The following B4GALT6 variants were observed in gnomAD, a reference collection of about 807,000 sequenced individuals.
B4GALT6 encodes UDP-Gal:beta-GlcNAc beta-1,4-galactosyltransferase 6.
In B4GALT6, 14 loss-of-function variants were observed where a neutral mutation model predicts 46.3. That is an observed-to-expected ratio of 0.30 (90% CI 0.20 to 0.47). The LOEUF is 0.47. B4GALT6 is among the 20% of genes least tolerant of loss of function. The pLI, the probability that B4GALT6 is intolerant of heterozygous loss-of-function variation, is 0.99. For synonymous variants in B4GALT6, 168 were observed against 162.0 expected, an observed-to-expected ratio of 1.04 and a Z score of -0.28; for missense variants, 386 against 480.1, an observed-to-expected ratio of 0.80 and a Z score of 1.83.
At chr18:31,634,185 AT>A (rs1406196761) in intron 5 of B4GALT6, among the ~76,000 whole-genome samples, 2 of 152,074 alleles carry the variant, frequency 1.3e-5, no homozygotes, top group Non-Finnish European at 2.9e-5. Context: ...CAGCATGCAG[AT>A]TTACTCAACC....
intron 5 of B4GALT6, among the ~76,000 whole-genome samples, chr18:31,637,140 T>C (rs2073869199): frequency 1.3e-5 from 2 of 152,222 alleles, no homozygotes; most frequent in South Asian, 4.1e-4. Context: ...ATTTACACTT[T>C]ATAGCCTTTA....
chr18:31,677,128 A>C (rs1598930875), intron 1 of B4GALT6, among the ~76,000 whole-genome samples: 1 of 152,364 alleles, frequency 6.6e-6, no homozygotes, highest in East Asian at 1.9e-4. Context: ...TCAAGTAATT[A>C]AACATAAAAA....
At chr18:31,646,176 T>C (rs2073988648) in intron 3 of B4GALT6, among the ~76,000 whole-genome samples, 1 of 152,262 alleles carries the variant, frequency 6.6e-6, no homozygotes, top group Non-Finnish European at 1.5e-5. Flanking sequence ...GCACTTACCA[T>C]ATATCAGGCC....
intron 1 of B4GALT6, among the ~76,000 whole-genome samples, chr18:31,679,656 T>C (rs927261788): frequency 3.3e-5 from 5 of 152,184 alleles, no homozygotes; most frequent in Admixed American, 2.6e-4. Flanking sequence ...ACCTACATGA[T>C]GAAGACAATC....
chr18:31,652,462 T>C (rs948932443), intron 3 of B4GALT6, among the ~76,000 whole-genome samples: 1 of 151,930 alleles, frequency 6.6e-6, no homozygotes, highest in African/African-American at 2.4e-5. Flanking sequence ...GGTTCCTGTC[T>C]CCCCTTCTTC....
chr18:31,648,289 T>C (rs1418786253), intron 3 of B4GALT6, among the ~76,000 whole-genome samples: 3 of 152,226 alleles, frequency 2.0e-5, no homozygotes, highest in South Asian at 4.1e-4. Context: ...AAAATAAATA[T>C]GTTGACTGAA....
Position 31,637,825 on chromosome 18 carries a change from C to G in B4GALT6, c.588+819G>C, listed in dbSNP as rs571321859. Among the ~76,000 whole-genome samples the G allele has an allele frequency of 3.3e-5, 5 of 152,244 alleles. No individual in the cohort carries two copies. In the East Asian group the frequency reaches 9.6e-4, roughly 29 times the overall value. ...ATATAACCAAGGTAACTGTACGGTGCTTTGGTATAATTTAGAAAAGAACTT... is the reference window on the plus strand; with the variant it reads ...ATATAACCAAGGTAACTGTACGGTGGTTTGGTATAATTTAGAAAAGAACTT... On this transcript the variant is annotated intron_variant, in intron 5 of 8. Transcript: ENST00000306851.
At position 31,624,149 on chromosome 18, in the gene B4GALT6, A is replaced by AG. The variant is rs2073655270; in HGVS notation, c.*1464_*1465insC. The AG allele has an allele frequency of 6.6e-6, 1 of 152,066 alleles. No individual in the cohort carries two copies. The highest frequency in any genetic ancestry group is 1.5e-5 in the Non-Finnish European group (1 of 67,888). The allele number at this position is 152,066 out of a possible 1,614,324, so 9.4% of individuals were successfully genotyped here. A position where few individuals can be genotyped will look rare whatever the true frequency, so the allele number is the denominator to read the frequency against. ...TAAGACCTTTTTTCAGAGAACAGTCATATGAAGATAACTGGACAAAGCCCT... is the reference window on the plus strand; with the variant it reads ...TAAGACCTTTTTTCAGAGAACAGTCAGTATGAAGATAACTGGACAAAGCCCT... On this transcript the variant is annotated 3_prime_UTR_variant, in exon 9 of 9. Coordinates refer to ENST00000306851, the MANE Select transcript of B4GALT6 (RefSeq NM_004775.5).
the B4GALT6 span, among the ~76,000 whole-genome samples, chr18:31,713,847 C>G: frequency 6.6e-6 from 1 of 152,054 alleles, no homozygotes; most frequent in Non-Finnish European, 1.5e-5. Flanking sequence ...CTGACAAGCT[C>G]GAGTTAATTG....
At chr18:31,633,881 AC>A (rs528328732) in intron 5 of B4GALT6, among the ~76,000 whole-genome samples, 54 of 152,284 alleles carry the variant, frequency 3.5e-4, no homozygotes, top group Non-Finnish European at 6.2e-4. Flanking sequence ...AGAATGATTT[AC>A]TACTGCCGGT....
At chr18:31,663,869 T>A (rs1232190719) in intron 2 of B4GALT6, among the ~76,000 whole-genome samples, 1 of 152,228 alleles carries the variant, frequency 6.6e-6, no homozygotes, top group East Asian at 1.9e-4. Flanking sequence ...CTAACTATAA[T>A]AATTATTCGT....
chr18:31,700,468 T>TGTGTGTGTGAGA, the B4GALT6 span, among the ~76,000 whole-genome samples: 59 of 148,392 alleles, frequency 4.0e-4, no homozygotes, highest in South Asian at 2.1e-3. Flanking sequence ...TGTGTGTGTG[T>TGTGTGTGTGAGA]GAGAGAGAGA....
chr18:31,693,353 G>C, the B4GALT6 span, among the ~76,000 whole-genome samples: 1 of 152,154 alleles, frequency 6.6e-6, no homozygotes, highest in Non-Finnish European at 1.5e-5. Flanking sequence ...TCAGTGCATG[G>C]AGAAAAGTCC....
At chr18:31,706,161 G>A in the B4GALT6 span, among the ~76,000 whole-genome samples, 1 of 151,964 alleles carries the variant, frequency 6.6e-6, no homozygotes, top group Non-Finnish European at 1.5e-5. Flanking sequence ...ATACAGCTCT[G>A]TTTACAGAGG....
chr18:31,707,625 A>G, the B4GALT6 span, among the ~76,000 whole-genome samples: 1 of 152,210 alleles, frequency 6.6e-6, no homozygotes, highest in African/African-American at 2.4e-5. Context: ...AATTATTTAA[A>G]TAGTGTTAAT....
the B4GALT6 span, chr18:31,718,877 A>G: frequency 6.6e-6 from 1 of 152,206 alleles, no homozygotes; most frequent in African/African-American, 2.4e-5. Context: ...ACCAAGATAG[A>G]TAAAAGTTTT....
the B4GALT6 span, among the ~76,000 whole-genome samples, chr18:31,706,085 T>C: frequency 6.6e-6 from 1 of 152,170 alleles, no homozygotes; most frequent in Non-Finnish European, 1.5e-5. Flanking sequence ...TAGAACATAG[T>C]AAATGTTCAA....
intron 4 of B4GALT6, among the ~76,000 whole-genome samples, chr18:31,641,711 G>C (rs1368918581): frequency 2.0e-5 from 3 of 152,106 alleles, no homozygotes; most frequent in South Asian, 4.2e-4. Context: ...TCATCCTCCT[G>C]AATCTCTCCT....
At position 31,666,300 on chromosome 18, in the gene B4GALT6, A is replaced by T. The variant is rs1260806952; in HGVS notation, c.188T>A (p.Met63Lys). The change falls in exon 2 of 9, where the codon ATG becomes AAG. Residue 63 changes from methionine (M) to lysine (K), a missense_variant. Transcript: ENST00000306851. The stretch of plus-strand genomic sequence containing the variant: ...GTTTTTATTTGTGTACAGCCTGATC[A>T]TATGACCTATTGTTTTCACATTTTC... Reference protein sequence around the residue: ...LRENVKTIGHMIRLYTNKNST... With the variant: ...LRENVKTIGHKIRLYTNKNST... 6.2e-7 allele frequency: 1 copy of T among 1,609,704 alleles called. No homozygotes were observed. Among genetic ancestry groups the T allele is most frequent in the Non-Finnish European group, 8.5e-7 (1 of 1,177,784 alleles).
Sources: gnomAD v4.1 joint callset for allele counts (sites outside exome capture counted in the v4.1 genomes callset) on GRCh38, gnomAD v4.1.1 for gene constraint, MANE v1.5 for transcripts, NCBI Gene and HGNC (gene_info 2026-07-23, HGNC 2026-07-21) for gene names.